Variants in ACKR3 observed in about 807,000 individuals in gnomAD.
ACKR3 encodes atypical chemokine receptor 3, also known as C-X-C chemokine receptor type 7.
In ACKR3, 6 loss-of-function variants were observed where a neutral mutation model predicts 22.4. The observed-to-expected ratio is 0.27, with a 90% CI of 0.15 to 0.53. The LOEUF is 0.53. Among genes scored for constraint, ACKR3 ranks in the 20% least tolerant of loss-of-function variants. ACKR3 has a pLI of 0.96. For synonymous variants in ACKR3, 209 were observed against 205.2 expected (o/e 1.02, Z -0.16); for missense variants, 396 against 475.2 (o/e 0.83, Z 1.55).
upstream of ACKR3, among the ~76,000 whole-genome samples, chr2:236,566,076 T>C (rs2106494536): frequency 6.6e-6 from 1 of 152,324 alleles, no homozygotes; most frequent in African/African-American, 2.4e-5. Flanking sequence ...TCACAGACCC[T>C]ACCGGCCGCC....
chr2:236,568,679 C>A (rs955937590), upstream of ACKR3, among the ~76,000 whole-genome samples: 4 of 152,242 alleles, frequency 2.6e-5, no homozygotes, highest in Non-Finnish European at 5.9e-5. Flanking sequence ...ATATTTCTTT[C>A]GTTAAGGGCT....
In ACKR3 at chr2:236,572,438, G is replaced by A. The variant is rs114455427; in HGVS notation, c.-27+2514G>A. The stretch of plus-strand genomic sequence containing the variant: ...CCCAGGGCAGTGTGGGGGACTTTGC[G>A]TTTTGAAGTCTGGGTCAGCCAGATA... On this transcript the variant is annotated intron_variant, in intron 1 of 1. Transcript: ENST00000272928. 8.4e-3 allele frequency among the ~76,000 whole-genome samples: 1,283 copies of A among 152,312 alleles called. 16 individuals are homozygous for A. Among genetic ancestry groups the A allele is most frequent in the African/African-American group, 0.025 (1,058 of 41,564 alleles).
At chr2:236,573,064 C>T (rs1691340353) in intron 1 of ACKR3, among the ~76,000 whole-genome samples, 1 of 152,232 alleles carries the variant, frequency 6.6e-6, no homozygotes, top group African/African-American at 2.4e-5. Context: ...ATTCTGCTAT[C>T]AGCCCTAGCA....
At chr2:236,539,846 T>C in the ACKR3 span, among the ~76,000 whole-genome samples, 1 of 152,278 alleles carries the variant, frequency 6.6e-6, no homozygotes, top group East Asian at 1.9e-4. Flanking sequence ...GCAAAGGAGA[T>C]GCAAAGGGAC....
At position 236,580,686 on chromosome 2, in the gene ACKR3, C is replaced by T. The variant is rs1275766082; in HGVS notation, c.221C>T (p.Thr74Ile). 1 of 1,614,070 alleles carries T rather than the reference C, an allele frequency of 6.2e-7. No individual in the cohort carries two copies. The highest frequency in any genetic ancestry group is 8.5e-7 in the Non-Finnish European group (1 of 1,180,056). ...GTCTGGGTGAATATCCAGGCCAAGA[C>T]CACAGGCTATGACACGCACTGCTAC... is the stretch of plus-strand genomic sequence containing the variant. ...VVVWVNIQAKTTGYDTHCYIL... is the reference protein window; with the variant it reads ...VVVWVNIQAKITGYDTHCYIL... Residue 74 changes from threonine (T) to isoleucine (I), a missense_variant, in exon 2 of 2, where the codon ACC becomes ATC. Coordinates refer to ENST00000272928, the MANE Select transcript of ACKR3 (RefSeq NM_020311.3).
In ACKR3 at chr2:236,581,464, G is replaced by C; in HGVS notation, c.999G>C (p.Lys333Asn). The C allele has an allele frequency of 6.2e-7, 1 of 1,614,196 alleles. No homozygotes were observed. The highest frequency in any genetic ancestry group is 8.5e-7 in the Non-Finnish European group (1 of 1,180,038). Residue 333 changes from lysine (K) to asparagine (N), a missense_variant, in exon 2 of 2, where the codon AAG (lysine) becomes AAC (asparagine). By Grantham distance (94) the Lys-to-Asn change is moderately conservative (BLOSUM62 0). Coordinates refer to ENST00000272928, the MANE Select transcript of ACKR3 (RefSeq NM_020311.3). This position sits in a 1 kb window ranked among gnomAD's most constrained non-coding sequence, Gnocchi z 4.4. ...RYELMKAFIFKYSAKTGLTKL... is the reference protein window; with the variant it reads ...RYELMKAFIFNYSAKTGLTKL... ...AGCTGATGAAGGCCTTCATCTTCAAGTACTCGGCCAAAACAGGGCTCACCA... is the reference window on the plus strand; with the variant it reads ...AGCTGATGAAGGCCTTCATCTTCAACTACTCGGCCAAAACAGGGCTCACCA...
chr2:236,551,628 TC>T, the ACKR3 span, among the ~76,000 whole-genome samples: 2 of 151,796 alleles, frequency 1.3e-5, no homozygotes, highest in Non-Finnish European at 2.9e-5. Flanking sequence ...CCTTCCCCTT[TC>T]CCCCTCTGGT....
At chr2:236,545,792 A>G in the ACKR3 span, among the ~76,000 whole-genome samples, 2 of 152,226 alleles carry the variant, frequency 1.3e-5, no homozygotes, top group Admixed American at 6.5e-5. This position sits in a 1 kb window ranked among gnomAD's most constrained non-coding sequence, Gnocchi z 5.3. Context: ...TTTCCAAGCC[A>G]AATAAATTTA....
chr2:236,548,639 G>C, the ACKR3 span, among the ~76,000 whole-genome samples: 12 of 152,298 alleles, frequency 7.9e-5, no homozygotes, highest in Non-Finnish European at 1.8e-4. This position sits in a 1 kb window ranked among gnomAD's most constrained non-coding sequence, Gnocchi z 4.3. Context: ...AGCTGAGCAA[G>C]GACACTGTAA....
chr2:236,543,230 G>A, the ACKR3 span, among the ~76,000 whole-genome samples: 1 of 152,150 alleles, frequency 6.6e-6, no homozygotes. Flanking sequence ...TTGCCTCTGG[G>A]GATCTCTCTT....
chr2:236,579,428 A>T (rs866052489), intron 1 of ACKR3, among the ~76,000 whole-genome samples: 1 of 152,302 alleles, frequency 6.6e-6, no homozygotes, highest in African/African-American at 2.4e-5. Flanking sequence ...GAGGGATTTC[A>T]GGGCCTTCCC....
the ACKR3 span, among the ~76,000 whole-genome samples, chr2:236,557,302 G>A: frequency 6.6e-6 from 1 of 151,116 alleles, no homozygotes; most frequent in Non-Finnish European, 1.5e-5. Flanking sequence ...AGATGTCTTG[G>A]CTTTTACCAC....
rs574048940 is a variant in ACKR3, at chr2:236,576,789, G to A, written c.-26-3651G>A. Among the ~76,000 whole-genome samples, 4 of 152,360 alleles carry A rather than the reference G, an allele frequency of 2.6e-5. No individual in the cohort carries two copies. In the East Asian group the frequency reaches 7.7e-4, roughly 29 times the overall value. On this transcript the variant is annotated intron_variant, in intron 1 of 1. Transcript: ENST00000272928. ...GATTGTCTTTGTCAAATAATAATCT[G>A]TTTGCTGGAGACAGCTCTTGTTTCT...
At chr2:236,554,875 T>C in the ACKR3 span, among the ~76,000 whole-genome samples, 1 of 152,360 alleles carries the variant, frequency 6.6e-6, no homozygotes, top group Non-Finnish European at 1.5e-5. Context: ...CACACTTATT[T>C]TCACAGAACA....
the ACKR3 span, among the ~76,000 whole-genome samples, chr2:236,562,691 C>A: frequency 0.12 from 18,711 of 151,616 alleles, 1,881 homozygotes; most frequent in African/African-American, 0.28. Flanking sequence ...AGAAATTAAG[C>A]GTCAGCATTT....
chr2:236,543,389 G>A, the ACKR3 span, among the ~76,000 whole-genome samples: 9 of 152,320 alleles, frequency 5.9e-5, no homozygotes, highest in South Asian at 1.9e-3. Context: ...TGACTGCTAT[G>A]TTCCAAAGCA....
chr2:236,544,210 G>T, the ACKR3 span, among the ~76,000 whole-genome samples: 1 of 151,542 alleles, frequency 6.6e-6, no homozygotes, highest in Non-Finnish European at 1.5e-5. This position sits in a 1 kb window ranked among gnomAD's most constrained non-coding sequence, Gnocchi z 5.0. Flanking sequence ...GGCTGGTCTC[G>T]AACTCTTGAC....
At chr2:236,559,975 C>T in the ACKR3 span, among the ~76,000 whole-genome samples, 3 of 152,228 alleles carry the variant, frequency 2.0e-5, no homozygotes, top group Non-Finnish European at 4.4e-5. Flanking sequence ...TCTTTCAACA[C>T]TTTCCATTTC....
chr2:236,547,853 A>G, the ACKR3 span, among the ~76,000 whole-genome samples: 1 of 133,954 alleles, frequency 7.5e-6, no homozygotes, highest in Non-Finnish European at 1.5e-5. Flanking sequence ...TTTTTTTTTT[A>G]CAGCGTATCT....
Sources: gnomAD v4.1 joint callset for allele counts (sites outside exome capture counted in the v4.1 genomes callset) on GRCh38, gnomAD v4.1.1 for gene constraint, Gnocchi (gnomAD v3.1) non-coding constraint, MANE v1.5 for transcripts, NCBI Gene and HGNC (gene_info 2026-07-23, HGNC 2026-07-21) for gene names.